Variants in PKHD1L1 observed in about 807,000 individuals in gnomAD.
PKHD1L1 encodes fibrocystin-L.
Under a neutral mutation model 462.9 loss-of-function variants are expected in PKHD1L1, and 434 were observed. The observed-to-expected ratio is 0.94, with a 90% CI of 0.87 to 1.02. PKHD1L1 has a LOEUF of 1.02. Ranked by LOEUF, PKHD1L1 falls within the 50% of genes least tolerant of loss-of-function variation. The pLI is 0.00. For missense variants in PKHD1L1, 5,202 were observed against 5,096.1 expected (o/e 1.02, Z -0.63); for synonymous variants, 1,781 against 1,750.0 (o/e 1.02, Z -0.44).
At position 109,459,676 on chromosome 8, in the gene PKHD1L1, A is replaced by C. The variant is rs78176857; in HGVS notation, c.7086A>C (p.Leu2362=). 9,111 of 1,610,530 alleles carry C rather than the reference A, an allele frequency of 5.7e-3. 432 individuals carry two copies. In the African/African-American group the frequency reaches 0.11, roughly 19 times the overall value. ...DGINITLSNP[L]NYTHLGITVT... is the part of the protein sequence containing the mutation. ...TAAACATAACACTAAGTAACCCACTAAATTACACACACTTAGGAATTACGG... is the reference window on the plus strand; with the variant it reads ...TAAACATAACACTAAGTAACCCACTCAATTACACACACTTAGGAATTACGG... Residue 2362 remains leucine (L), a synonymous_variant, in exon 47 of 78, where the codon CTA becomes CTC. Coordinates refer to ENST00000378402, the MANE Select transcript of PKHD1L1 (RefSeq NM_177531.6).
At chr8:109,500,456 C>G (rs975166518) in intron 67 of PKHD1L1, among the ~76,000 whole-genome samples, 1 of 145,382 alleles carries the variant, frequency 6.9e-6, no homozygotes, top group African/African-American at 2.6e-5. Flanking sequence ...GTGGATGAAT[C>G]ATGAGGTCAG....
intron 23 of PKHD1L1, among the ~76,000 whole-genome samples, chr8:109,422,967 A>G (rs892677774): frequency 6.6e-6 from 1 of 152,164 alleles, no homozygotes; most frequent in Non-Finnish European, 1.5e-5. Context: ...CTAATGGCTA[A>G]TGATGTTGAA....
chr8:109,490,174 A>C, intron 60 of PKHD1L1, 119 bp downstream of exon 60: 1 of 641,398 alleles, frequency 1.6e-6, no homozygotes, highest in Non-Finnish European at 2.5e-6. Flanking sequence ...ATATAATAAA[A>C]CTTTCTTGGC....
intron 45 of PKHD1L1, 47 bp downstream of exon 45, chr8:109,454,899 A>T: frequency 6.4e-7 from 1 of 1,563,596 alleles, no homozygotes; most frequent in Non-Finnish European, 8.7e-7. Context: ...AAGACTCACC[A>T]GGACACCAGG....
chr8:109,434,595 A>G (rs1189526880), intron 28 of PKHD1L1, among the ~76,000 whole-genome samples: 1 of 151,944 alleles, frequency 6.6e-6, no homozygotes, highest in Non-Finnish European at 1.5e-5. Context: ...CAGCCTCCCA[A>G]GTAGCTGAGA....
At chr8:109,469,984 C>T (rs949168791) in intron 50 of PKHD1L1, 4 of 306,768 alleles carry the variant, frequency 1.3e-5, no homozygotes, top group African/African-American at 6.4e-5. Context: ...ATTTAATCAT[C>T]CTTTTACATA....
rs369772783 is a variant in PKHD1L1, at chr8:109,536,789, T to G, written c.*6699T>G. Among the ~76,000 whole-genome samples the G allele has an allele frequency of 7.9e-5, 12 of 152,344 alleles. No homozygotes were observed. The East Asian group carries it at 1.7e-3, about 22-fold the overall frequency. On this transcript the variant is annotated 3_prime_UTR_variant, in exon 78 of 78. Coordinates refer to ENST00000378402, the MANE Select transcript of PKHD1L1 (RefSeq NM_177531.6). ...TCTTCCTGTATTTAGCAATAAAAGT[T>G]ACTGCTAATTGTAATAACAATTATG...
chr8:109,501,799 A>C (rs956448660), intron 67 of PKHD1L1, among the ~76,000 whole-genome samples: 1 of 152,148 alleles, frequency 6.6e-6, no homozygotes, highest in African/African-American at 2.4e-5. Context: ...TTGGTTTTTC[A>C]GGTACTCTTC....
Position 109,477,241 on chromosome 8 carries a change from C to T in PKHD1L1, c.8934C>T (p.Asp2978=). Residue 2978 remains aspartate (D), a synonymous_variant, in exon 53 of 78, where the codon GAC becomes GAT. Transcript: ENST00000378402. The part of the protein sequence containing the change: ...TLYYLVSGRN[D]LHQSQLISGN... ...CACTTTCAGTGTCAGGAAGAAATGA[C>T]CTTCATCAGAGTCAGCTCATTTCTG... is the stretch of plus-strand genomic sequence containing the variant. The T allele has an allele frequency of 6.2e-7, 1 of 1,613,114 alleles. No individual in the cohort carries two copies.
At position 109,508,225 on chromosome 8, in the gene PKHD1L1, G is replaced by T. The variant is rs748240344; in HGVS notation, c.11356G>T (p.Val3786Leu). The change falls in exon 70 of 78, where the codon GTG (valine) becomes TTG (leucine). Residue 3786 changes from valine (V) to leucine (L), a missense_variant. By Grantham distance (32) the Val-to-Leu change is conservative. Transcript: ENST00000378402. ...PDTETRRLSPVAIMGNGYVDL... is the reference protein window; with the variant it reads ...PDTETRRLSPLAIMGNGYVDL... The stretch of plus-strand genomic sequence containing the variant: ...CACAGAAACTCGAAGACTTTCCCCA[G>T]TGGCTATAATGGGCAACGGTTATGT... 6.2e-7 allele frequency: 1 copy of T among 1,612,866 alleles called. No individual in the cohort carries two copies. The highest frequency in any genetic ancestry group is 1.7e-5 in the Admixed American group (1 of 59,864).
intron 59 of PKHD1L1, among the ~76,000 whole-genome samples, chr8:109,487,734 C>T (rs1022887830): frequency 6.6e-6 from 1 of 151,712 alleles, no homozygotes; most frequent in Non-Finnish European, 1.5e-5. Flanking sequence ...AAGAATTATG[C>T]CAGACAGGGT....
At chr8:109,506,830 G>A (rs748611311) in intron 68 of PKHD1L1, among the ~76,000 whole-genome samples, 15 of 152,006 alleles carry the variant, frequency 9.9e-5, no homozygotes, top group Non-Finnish European at 1.9e-4. Context: ...CTATAACTCT[G>A]CCCATGGTAT....
chr8:109,466,174 C>T (rs1188377797), intron 49 of PKHD1L1, among the ~76,000 whole-genome samples: 1 of 152,076 alleles, frequency 6.6e-6, no homozygotes, highest in Non-Finnish European at 1.5e-5. Flanking sequence ...ATATATAAAG[C>T]TTTGTGTAAT....
chr8:109,444,627 G>C, intron 37 of PKHD1L1, 34 bp from the exon 38 acceptor site: 1 of 1,575,244 alleles, frequency 6.3e-7, no homozygotes, highest in Non-Finnish European at 8.6e-7. Flanking sequence ...GGTATGTATT[G>C]ACTTGTTTTA....
chr8:109,429,295 T>C, intron 25 of PKHD1L1, 45 bp from the exon 26 acceptor site: 1 of 1,406,718 alleles, frequency 7.1e-7, no homozygotes, highest in South Asian at 1.4e-5. Context: ...AGTGTCGTCA[T>C]ATTTGTTATA....
At chr8:109,406,526 C>A in intron 17 of PKHD1L1, 48 bp downstream of exon 17, 1 of 1,486,868 alleles carries the variant, frequency 6.7e-7, no homozygotes, top group South Asian at 1.4e-5. Flanking sequence ...AAATGTATAT[C>A]CTGTGCCACT....
At chr8:109,414,643 G>A (rs1374587370) in intron 21 of PKHD1L1, among the ~76,000 whole-genome samples, 1 of 152,032 alleles carries the variant, frequency 6.6e-6, no homozygotes, top group Non-Finnish European at 1.5e-5. Context: ...GACATGGAGA[G>A]CACTATTTTC....
Position 109,406,363 on chromosome 8 carries a change from C to G in PKHD1L1, c.1698C>G (p.Phe566Leu). Residue 566 changes from phenylalanine (F) to leucine (L), a missense_variant, in exon 17 of 78, where the codon TTC becomes TTG. Physicochemically the swap from Phe to Leu is conservative, Grantham distance 22. Coordinates refer to ENST00000378402, the MANE Select transcript of PKHD1L1 (RefSeq NM_177531.6). The part of the protein sequence containing the change: ...TVFLPADASE[F>L]ILQSALNDLW... ...TCCTACCTGCTGATGCTTCTGAATT[C>G]ATACTGCAATCAGCCTTGAATGACC... The G allele has an allele frequency of 6.4e-7, 1 of 1,554,784 alleles. No homozygotes were observed. Among genetic ancestry groups the G allele is most frequent in the Non-Finnish European group, 8.7e-7 (1 of 1,148,656 alleles).
At chr8:109,481,160 C>G (rs1458152110) in intron 55 of PKHD1L1, among the ~76,000 whole-genome samples, 1 of 151,870 alleles carries the variant, frequency 6.6e-6, no homozygotes, top group Non-Finnish European at 1.5e-5. Flanking sequence ...ACATTATGGT[C>G]TGTTCAAACA....
Sources: gnomAD v4.1 joint callset for allele counts (sites outside exome capture counted in the v4.1 genomes callset) on GRCh38, gnomAD v4.1.1 for gene constraint, MANE v1.5 for transcripts, NCBI Gene and HGNC (gene_info 2026-07-23, HGNC 2026-07-21) for gene names.